The following EGFL8 variants were observed in gnomAD, a reference collection of about 807,000 sequenced individuals.
The protein encoded by EGFL8 is epidermal growth factor-like protein 8.
In EGFL8, 32 loss-of-function variants were observed where a neutral mutation model predicts 39.4. The ratio of observed to expected loss-of-function variants is 0.81; its 90% confidence interval spans 0.61 to 1.09. EGFL8 has a LOEUF of 1.09. EGFL8 is among the 50% of genes least tolerant of loss of function. EGFL8 has a pLI of 0.00. For synonymous variants in EGFL8, 177 were observed against 168.5 expected (o/e 1.05, Z -0.39); for missense variants, 385 against 402.2 (o/e 0.96, Z 0.37).
At chr6:32,165,007 G>T (rs1182660081) in intron 1 of EGFL8, among the ~76,000 whole-genome samples, 2 of 151,974 alleles carry the variant, frequency 1.3e-5, no homozygotes, top group Non-Finnish European at 2.9e-5. Flanking sequence ...TGCCTCCAGG[G>T]TTCAAGGGAT....
In EGFL8 at chr6:32,167,338, C is replaced by T. The variant is rs1784610515; in HGVS notation, c.602-12C>T. 5.0e-6 allele frequency: 8 copies of T among 1,613,034 alleles called. No individual in the cohort carries two copies. The highest frequency in any genetic ancestry group is 6.8e-6 in the Non-Finnish European group (8 of 1,180,020). On this transcript the variant is annotated splice_polypyrimidine_tract_variant and intron_variant, in intron 6 of 8. Transcript: ENST00000333845. This position sits in a 1 kb window ranked among gnomAD's most constrained non-coding sequence, Gnocchi z 6.4. ...GGGTAGTGGTCACACTCTTGGTCTC[C>T]TTTGTCCCTAGTTCGGGAGGCGGAA...
Position 32,166,053 on chromosome 6 carries a change from C to A in EGFL8, c.-28-85C>A. 9.7e-7 allele frequency: 1 copy of A among 1,029,038 alleles called. No individual in the cohort carries two copies. Among genetic ancestry groups the A allele is most frequent in the East Asian group, 2.5e-5 (1 of 39,594 alleles). 63.7% of individuals were successfully genotyped at this position (1,029,038 alleles called of 1,614,324 possible). On this transcript the variant is annotated intron_variant, in intron 1 of 8. Coordinates refer to ENST00000333845, the MANE Select transcript of EGFL8 (RefSeq NM_030652.4). This position sits in a 1 kb window ranked among gnomAD's most constrained non-coding sequence, Gnocchi z 7.3. ...AATGTCCTGACTCCCTTAGAGGGTACCTGCAGAGTGCCCTTGGAGGGACTA... is the reference window on the plus strand; with the variant it reads ...AATGTCCTGACTCCCTTAGAGGGTAACTGCAGAGTGCCCTTGGAGGGACTA...
In EGFL8 at chr6:32,166,623, G is replaced by C; in HGVS notation, c.224+3G>C. On this transcript the variant is annotated splice_donor_region_variant and intron_variant, in intron 3 of 8. Transcript: ENST00000333845. The surrounding 1 kb of genome is among the most constrained non-coding windows in gnomAD (Gnocchi z 7.3). Reference sequence around the variant, plus strand: ...AGGCGCATCTGCAGCACTTACAGGTGAGGGATGGGGAGATGGGACCCCAAG... The same window carrying C: ...AGGCGCATCTGCAGCACTTACAGGTCAGGGATGGGGAGATGGGACCCCAAG... 1 of 1,614,214 alleles carries C rather than the reference G, an allele frequency of 6.2e-7. No homozygotes were observed. The highest frequency in any genetic ancestry group is 8.5e-7 in the Non-Finnish European group (1 of 1,180,040).
At position 32,166,341 on chromosome 6, in the gene EGFL8, G is replaced by A; in HGVS notation, c.101+75G>A. 6.3e-7 allele frequency: 1 copy of A among 1,596,680 alleles called. No individual in the cohort carries two copies. The highest frequency in any genetic ancestry group is 8.6e-7 in the Non-Finnish European group (1 of 1,166,096). ...CTGCTGGGGGTGGGGCTTCACAGGAGGCAAAACATAACTGTAAGTTTAGAA... is the reference window on the plus strand; with the variant it reads ...CTGCTGGGGGTGGGGCTTCACAGGAAGCAAAACATAACTGTAAGTTTAGAA... On this transcript the variant is annotated intron_variant, in intron 2 of 8. Transcript: ENST00000333845. This position sits in a 1 kb window ranked among gnomAD's most constrained non-coding sequence, Gnocchi z 7.3.
chr6:32,167,886 T>C lies in EGFL8; in HGVS notation c.836-24T>C. 1 of 1,613,340 alleles carries C rather than the reference T, an allele frequency of 6.2e-7. No homozygotes were observed. ...TCCACTCCAGGCTGACCACAGCCAC[T>C]GTGTCTGCCATGTCATTAACCAGGC... On this transcript the variant is annotated intron_variant, in intron 8 of 8. Transcript: ENST00000333845. The surrounding 1 kb of genome is among the most constrained non-coding windows in gnomAD (Gnocchi z 6.4).
chr6:32,166,538 C>T lies in EGFL8; in HGVS notation c.142C>T (p.His48Tyr). 1 of 1,613,986 alleles carries T rather than the reference C, an allele frequency of 6.2e-7. No homozygotes were observed. Among genetic ancestry groups the T allele is most frequent in the East Asian group, 2.2e-5 (1 of 44,884 alleles). ...CAAGCAGACACTGGTGGTCCCGCTC[C>T]ACTACAACGAGTCCTACAGCCAACC... The part of the protein sequence containing the change: ...CSKQTLVVPL[H>Y]YNESYSQPVY... Residue 48 changes from histidine to tyrosine, a missense_variant, in exon 3 of 9, where the codon CAC (histidine) becomes TAC (tyrosine). Physicochemically the swap from His to Tyr is moderately conservative, Grantham distance 83. Coordinates refer to ENST00000333845, the MANE Select transcript of EGFL8 (RefSeq NM_030652.4). The surrounding 1 kb of genome is among the most constrained non-coding windows in gnomAD (Gnocchi z 7.3).
rs748003011 is a variant in EGFL8 at position 32,167,485 on chromosome 6, G to A, written c.682-18G>A. Reference sequence around the variant, plus strand: ...CAGACGTCACTGTCAATACCCTGAGGCATCTCTTCCTTTCTAGTGGGCCGG... The same window carrying A: ...CAGACGTCACTGTCAATACCCTGAGACATCTCTTCCTTTCTAGTGGGCCGG... On this transcript the variant is annotated intron_variant, in intron 7 of 8. Coordinates refer to ENST00000333845, the MANE Select transcript of EGFL8 (RefSeq NM_030652.4). The surrounding 1 kb of genome is among the most constrained non-coding windows in gnomAD (Gnocchi z 6.4). 19 of 1,609,754 alleles carry A rather than the reference G, an allele frequency of 1.2e-5. No homozygotes were observed. Among genetic ancestry groups the A allele is most frequent in the Non-Finnish European group, 1.6e-5 (19 of 1,179,652 alleles).
Position 32,166,711 on chromosome 6 carries a change from C to A in EGFL8, c.235C>A (p.Arg79Ser). The A allele has an allele frequency of 6.2e-7, 1 of 1,605,110 alleles. No individual in the cohort carries two copies. The change falls in exon 4 of 9, where the codon CGC (arginine) becomes AGC (serine). Residue 79 changes from arginine (R) to serine (S), a missense_variant. Transcript: ENST00000333845. This position sits in a 1 kb window ranked among gnomAD's most constrained non-coding sequence, Gnocchi z 7.3. ...GGCGCTGTGTTCCAGGACCATGTAC[C>A]GCGTTATGTGGCGGGAGGTGAGGCG... is the stretch of plus-strand genomic sequence containing the variant. ...RICSTYRTMY[R>S]VMWREVRREV...
In EGFL8 at chr6:32,166,428, G is replaced by GTGGGA; in HGVS notation, c.102-69_102-65dup. The stretch of plus-strand genomic sequence containing the variant: ...GGGCCTCAGTAGCCTCTTGAGGGAA[G>GTGGGA]TGGGACTCCTGGCTCCCCAGGGCCT... On this transcript the variant is annotated intron_variant, in intron 2 of 8. Transcript: ENST00000333845. This position sits in a 1 kb window ranked among gnomAD's most constrained non-coding sequence, Gnocchi z 7.3. The GTGGGA allele has an allele frequency of 6.2e-7, 1 of 1,610,964 alleles. No individual in the cohort carries two copies. The highest frequency in any genetic ancestry group is 8.5e-7 in the Non-Finnish European group (1 of 1,178,378).
Position 32,166,214 on chromosome 6 carries a change from C to T in EGFL8, c.49C>T (p.Leu17Phe). 3.1e-6 allele frequency: 5 copies of T among 1,614,142 alleles called. No homozygotes were observed. Among genetic ancestry groups the T allele is most frequent in the Non-Finnish European group, 4.2e-6 (5 of 1,180,008 alleles). ...CACTCTCTTAGGCGGATTCTCCTTCCTCCTGCTACTGATACCAGGCGAGGG... is the reference window on the plus strand; with the variant it reads ...CACTCTCTTAGGCGGATTCTCCTTCTTCCTGCTACTGATACCAGGCGAGGG... ...LCTLLGGFSFLLLLIPGEGAK... is the reference protein window; with the variant it reads ...LCTLLGGFSFFLLLIPGEGAK... Residue 17 changes from leucine to phenylalanine, a missense_variant, in exon 2 of 9, where the codon CTC (leucine) becomes TTC (phenylalanine). By Grantham distance (22) the Leu-to-Phe change is conservative. Coordinates refer to ENST00000333845, the MANE Select transcript of EGFL8 (RefSeq NM_030652.4). This position sits in a 1 kb window ranked among gnomAD's most constrained non-coding sequence, Gnocchi z 7.3.
Position 32,166,396 on chromosome 6 carries a change from G to C in EGFL8, c.102-102G>C. 6.3e-7 allele frequency: 1 copy of C among 1,598,992 alleles called. No individual in the cohort carries two copies. The highest frequency in any genetic ancestry group is 8.6e-7 in the Non-Finnish European group (1 of 1,168,960). The stretch of plus-strand genomic sequence containing the variant: ...GGTGAGAGGCTGTCATCTGGAGGGA[G>C]AGCGGGGGGCCTCAGTAGCCTCTTG... On this transcript the variant is annotated intron_variant, in intron 2 of 8. Transcript: ENST00000333845. This position sits in a 1 kb window ranked among gnomAD's most constrained non-coding sequence, Gnocchi z 7.3.
At position 32,167,861 on chromosome 6, in the gene EGFL8, T is replaced by C; in HGVS notation, c.836-49T>C. 2 of 1,593,240 alleles carry C rather than the reference T, an allele frequency of 1.3e-6. No homozygotes were observed. Among genetic ancestry groups the C allele is most frequent in the Non-Finnish European group, 1.7e-6 (2 of 1,161,382 alleles). ...TTGTTTGGTGAGAGTGGCAGTGTAG[T>C]CCACTCCAGGCTGACCACAGCCACT... is the stretch of plus-strand genomic sequence containing the variant. On this transcript the variant is annotated intron_variant, in intron 8 of 8. Coordinates refer to ENST00000333845, the MANE Select transcript of EGFL8 (RefSeq NM_030652.4). The surrounding 1 kb of genome is among the most constrained non-coding windows in gnomAD (Gnocchi z 6.4).
chr6:32,165,555 A>T (rs1239045109), intron 1 of EGFL8: 1 of 147,576 alleles, frequency 6.8e-6, no homozygotes, highest in Non-Finnish European at 1.5e-5. Flanking sequence ...CCGTCTCAAA[A>T]AACAACAACA....
In EGFL8 at chr6:32,167,277, G is replaced by A. The variant is rs1784599671; in HGVS notation, c.601+20G>A. 8 of 1,430,798 alleles carry A rather than the reference G, an allele frequency of 5.6e-6. No homozygotes were observed. The African/African-American group carries it at 1.2e-4, about 21-fold the overall frequency. The allele number at this position is 1,430,798 out of a possible 1,614,324, so 88.6% of individuals were successfully genotyped here. On this transcript the variant is annotated intron_variant, in intron 6 of 8. Coordinates refer to ENST00000333845, the MANE Select transcript of EGFL8 (RefSeq NM_030652.4). The surrounding 1 kb of genome is among the most constrained non-coding windows in gnomAD (Gnocchi z 6.4). ...TGGCCGGTGAGTGGGCAGGAGTACG[G>A]GCCACCCGAGGGACTCGGGACGGGC...
chr6:32,167,266 G>C lies in EGFL8; in HGVS notation c.601+9G>C, dbSNP rs1304031068. ...CATACTCAGCGTGGCCGGTGAGTGG[G>C]CAGGAGTACGGGCCACCCGAGGGAC... On this transcript the variant is annotated intron_variant, in intron 6 of 8. Transcript: ENST00000333845. This position sits in a 1 kb window ranked among gnomAD's most constrained non-coding sequence, Gnocchi z 6.4. 6 of 1,610,554 alleles carry C rather than the reference G, an allele frequency of 3.7e-6. No individual in the cohort carries two copies. The highest frequency in any genetic ancestry group is 5.1e-6 in the Non-Finnish European group (6 of 1,178,818).
In EGFL8 at chr6:32,167,020, C is replaced by T; in HGVS notation, c.430+15C>T. 4 of 1,612,940 alleles carry T rather than the reference C, an allele frequency of 2.5e-6. No homozygotes were observed. In the South Asian group the frequency reaches 3.3e-5, roughly 13 times the overall value. ...CTGTCATGTGGGTGAGTCAGCTTGTCCTCCCCACCTACCCAGGTGCTTGCC... is the reference window on the plus strand; with the variant it reads ...CTGTCATGTGGGTGAGTCAGCTTGTTCTCCCCACCTACCCAGGTGCTTGCC... On this transcript the variant is annotated intron_variant, in intron 5 of 8. Coordinates refer to ENST00000333845, the MANE Select transcript of EGFL8 (RefSeq NM_030652.4). This position sits in a 1 kb window ranked among gnomAD's most constrained non-coding sequence, Gnocchi z 6.4.
Position 32,167,760 on chromosome 6 carries a change from T to G in EGFL8, c.835+104T>G, listed in dbSNP as rs1784672232. 1 of 1,530,162 alleles carries G rather than the reference T, an allele frequency of 6.5e-7. No homozygotes were observed. The highest frequency in any genetic ancestry group is 1.2e-5 in the South Asian group (1 of 82,308). 94.8% of individuals were successfully genotyped at this position (1,530,162 alleles called of 1,614,324 possible). ...CTTTCCTCCAAGCCCCTCTCCAACA[T>G]TCACTATCCTCATGCCTCTCCACTT... On this transcript the variant is annotated intron_variant, in intron 8 of 8. Coordinates refer to ENST00000333845, the MANE Select transcript of EGFL8 (RefSeq NM_030652.4). This position sits in a 1 kb window ranked among gnomAD's most constrained non-coding sequence, Gnocchi z 6.4.
Position 32,166,809 on chromosome 6 carries a change from A to C in EGFL8, c.333A>C (p.Glu111Asp). 2 of 1,572,268 alleles carry C rather than the reference A, an allele frequency of 1.3e-6. No individual in the cohort carries two copies. Among genetic ancestry groups the C allele is most frequent in the Non-Finnish European group, 1.7e-6 (2 of 1,157,986 alleles). ...KKRHPGALTC[E>D]AICAKPCLNG... Reference sequence around the variant, plus strand: ...GGCACCCGGGGGCGCTCACCTGTGAAGGTGAGGCTGGGTCTTCCGGGCCTT... The same window carrying C: ...GGCACCCGGGGGCGCTCACCTGTGACGGTGAGGCTGGGTCTTCCGGGCCTT... Residue 111 changes from glutamate to aspartate, a missense_variant and splice_region_variant, in exon 4 of 9, where the codon GAA becomes GAC. Transcript: ENST00000333845. This position sits in a 1 kb window ranked among gnomAD's most constrained non-coding sequence, Gnocchi z 7.3.
rs1279942457 is a variant in EGFL8, at chr6:32,166,201, C to T, written c.36C>T (p.Gly12=). The T allele has an allele frequency of 5.2e-5, 84 of 1,614,058 alleles. 1 individual carries two copies. In the East Asian group the frequency reaches 1.2e-3, roughly 23 times the overall value. ...GSRAELCTLL[G]GFSFLLLLIP... is the part of the protein sequence containing the mutation. ...GGGCTGAGCTGTGCACTCTCTTAGG[C>T]GGATTCTCCTTCCTCCTGCTACTGA... The change falls in exon 2 of 9, where the codon GGC becomes GGT. Residue 12 remains glycine (G), a synonymous_variant. Transcript: ENST00000333845. This position sits in a 1 kb window ranked among gnomAD's most constrained non-coding sequence, Gnocchi z 7.3.
Sources: allele counts gnomAD v4.1 joint callset (sites outside exome capture counted in the v4.1 genomes callset), GRCh38; gene constraint gnomAD v4.1.1; non-coding constraint Gnocchi (gnomAD v3.1); transcripts MANE v1.5; gene names NCBI Gene and HGNC (gene_info 2026-07-23, HGNC 2026-07-21).